TRPM3: variants seen among roughly 807,000 people sequenced by gnomAD.
The protein encoded by TRPM3 is transient receptor potential cation channel subfamily M member 3.
Under a neutral mutation model 181.2 loss-of-function variants are expected in TRPM3, and 77 were observed. The observed-to-expected ratio is 0.42, with a 90% CI of 0.35 to 0.51. The LOEUF (loss-of-function observed/expected upper bound fraction) is 0.51, where lower values mean the gene tolerates loss of function less well. Among genes scored for constraint, TRPM3 ranks in the 20% least tolerant of loss-of-function variants. The probability of loss-of-function intolerance (pLI) is 0.01; values close to 1 mark genes in which losing one functional copy is unlikely to be tolerated. For missense variants in TRPM3, 1,759 were observed against 2,196.7 expected, an observed-to-expected ratio of 0.80 and a Z score of 3.98; for synonymous variants, 745 against 796.4, an observed-to-expected ratio of 0.94 and a Z score of 1.09.
intron 1 of TRPM3, among the ~76,000 whole-genome samples, chr9:70,969,754 TTTTATATA>T (rs937659091): frequency 4.9e-5 from 3 of 60,994 alleles, no homozygotes; most frequent in African/African-American, 1.9e-4. Context: ...GACTGAATGA[TTTTATATA>T]TATATATATA....
At chr9:70,763,172 AC>A (rs761096683) in intron 7 of TRPM3, among the ~76,000 whole-genome samples, 67 of 151,990 alleles carry the variant, frequency 4.4e-4, no homozygotes, top group Non-Finnish European at 8.4e-4. Context: ...GGACTGGGTC[AC>A]CCCTTCCCCC....
rs1462972841 is a variant in TRPM3, at chr9:70,591,134, G to A, written c.3120C>T (p.Ala1040=). 5 of 1,614,156 alleles carry A rather than the reference G, an allele frequency of 3.1e-6. No individual in the cohort carries two copies. The highest frequency in any genetic ancestry group is 4.2e-6 in the Non-Finnish European group (5 of 1,180,024). The change falls in exon 22 of 26, where the codon GCC becomes GCT. Residue 1040 remains alanine, a synonymous_variant. Transcript: ENST00000677713. ...ATGGCTCCTCATTGGGAAAAAGGAT[G>A]GCTTGCCTGGCGACCCCAAAGCTCA... ...VLMSFGVARQ[A]ILFPNEEPSW...
Position 70,635,281 on chromosome 9 carries a change from A to G in TRPM3, c.1582-20T>C. 6.2e-7 allele frequency: 1 copy of G among 1,612,916 alleles called. No homozygotes were observed. Among genetic ancestry groups the G allele is most frequent in the Non-Finnish European group, 8.5e-7 (1 of 1,179,140 alleles). On this transcript the variant is annotated intron_variant, in intron 11 of 25. Transcript: ENST00000677713. ...ATGTCTCTGAAAACAATAAAGAAGA[A>G]TCAAACAGTTTTGCTAGTCAGGGGC...
At chr9:71,434,435 CTT>C in intron 1 of TRPM3, among the ~76,000 whole-genome samples, 1 of 152,286 alleles carries the variant, frequency 6.6e-6, no homozygotes, top group East Asian at 1.9e-4. Context: ...TGATCTTGGA[CTT>C]TGCAGCCTTC....
chr9:71,350,987 T>C (rs1015887502), intron 1 of TRPM3, among the ~76,000 whole-genome samples: 1 of 152,154 alleles, frequency 6.6e-6, no homozygotes. Flanking sequence ...TTCTGGAAAT[T>C]AGGAATGACT....
At chr9:71,180,617 C>G (rs1434989985) in intron 1 of TRPM3, among the ~76,000 whole-genome samples, 2 of 152,086 alleles carry the variant, frequency 1.3e-5, no homozygotes, top group African/African-American at 2.4e-5. Flanking sequence ...ATACACAGTT[C>G]CCACTGAAGT....
At chr9:70,575,019 G>A (rs1272774569) in intron 22 of TRPM3, among the ~76,000 whole-genome samples, 2 of 150,590 alleles carry the variant, frequency 1.3e-5, no homozygotes, top group Non-Finnish European at 2.9e-5. Context: ...ACAGCTCACT[G>A]CAGCCTCAAA....
rs2063343653 is a variant in TRPM3 at position 70,673,333 on chromosome 9, A to G, written c.1345+8173T>C. 7.2e-5 allele frequency among the ~76,000 whole-genome samples: 11 copies of G among 152,174 alleles called. No homozygotes were observed. In the South Asian group the frequency reaches 2.3e-3, roughly 32 times the overall value. Reference sequence around the variant, plus strand: ...TGATTTGAATAAAGGGGTAAAATGGACCACCAAGAAACAAGTGCATTTGAG... The same window carrying G: ...TGATTTGAATAAAGGGGTAAAATGGGCCACCAAGAAACAAGTGCATTTGAG... On this transcript the variant is annotated intron_variant, in intron 9 of 25. Transcript: ENST00000677713.
chr9:71,346,827 A>T (rs2091324019), intron 1 of TRPM3, among the ~76,000 whole-genome samples: 1 of 151,938 alleles, frequency 6.6e-6, no homozygotes, highest in Non-Finnish European at 1.5e-5. Context: ...TTTTGGAAAA[A>T]CCTCATTGAT....
At chr9:71,439,513 T>A (rs1001254417) in intron 1 of TRPM3, among the ~76,000 whole-genome samples, 4 of 152,204 alleles carry the variant, frequency 2.6e-5, no homozygotes, top group African/African-American at 9.7e-5. Context: ...GCGAATGACC[T>A]GAACCAGGCT....
chr9:70,946,587 G>A (rs1344601880), intron 1 of TRPM3, among the ~76,000 whole-genome samples: 1 of 152,008 alleles, frequency 6.6e-6, no homozygotes, highest in Non-Finnish European at 1.5e-5. Context: ...TGGGCAACAG[G>A]ACTTTTTAAA....
At chr9:71,203,091 G>T (rs1448456884) in intron 1 of TRPM3, among the ~76,000 whole-genome samples, 2 of 152,176 alleles carry the variant, frequency 1.3e-5, no homozygotes, top group Non-Finnish European at 2.9e-5. Context: ...AGAAGTGTTT[G>T]GTTTGGCCAG....
intron 1 of TRPM3, among the ~76,000 whole-genome samples, chr9:71,314,863 TA>T (rs11414067): frequency 0.027 from 3,606 of 134,594 alleles, 68 homozygotes; most frequent in African/African-American, 0.069. Context: ...AAGAGGAAAT[TA>T]AAAAAAAAAA....
chr9:71,219,753 A>G (rs2080116124), intron 1 of TRPM3, among the ~76,000 whole-genome samples: 1 of 152,202 alleles, frequency 6.6e-6, no homozygotes. Flanking sequence ...AACCTGGGCA[A>G]ATCAGATTGC....
At chr9:70,791,290 G>A (rs749613594) in intron 6 of TRPM3, among the ~76,000 whole-genome samples, 7 of 152,102 alleles carry the variant, frequency 4.6e-5, no homozygotes, top group Non-Finnish European at 1.0e-4. Flanking sequence ...AAAGCATTTG[G>A]AAATAGGAAG....
chr9:70,964,992 T>C (rs977973244), intron 1 of TRPM3, among the ~76,000 whole-genome samples: 1 of 152,104 alleles, frequency 6.6e-6, no homozygotes, highest in African/African-American at 2.4e-5. Flanking sequence ...AGAATCTCAT[T>C]GTTATCTACA....
In TRPM3 at chr9:71,022,034, A is replaced by G. The variant is rs539803224; in HGVS notation, c.177+99144T>C. Among the ~76,000 whole-genome samples the G allele has an allele frequency of 1.8e-4, 27 of 152,300 alleles. 1 individual carries two copies. The South Asian group carries it at 4.3e-3, about 25-fold the overall frequency. The stretch of plus-strand genomic sequence containing the variant: ...ACTGGGGCCAAGGCTGTTGCTTTTT[A>G]TTATAAATTAAAAATCTATAGGATA... On this transcript the variant is annotated intron_variant, in intron 1 of 25. Coordinates refer to ENST00000677713, the MANE Select transcript of TRPM3 (RefSeq NM_001366145.2).
intron 25 of TRPM3, among the ~76,000 whole-genome samples, chr9:70,537,782 G>C (rs923320903): frequency 2.6e-5 from 4 of 152,132 alleles, no homozygotes; most frequent in African/African-American, 9.7e-5. Flanking sequence ...GCTTGGGGCA[G>C]GGTGCAATGA....
At chr9:70,800,288 G>A (rs2088560835) in intron 6 of TRPM3, among the ~76,000 whole-genome samples, 1 of 152,220 alleles carries the variant, frequency 6.6e-6, no homozygotes, top group Non-Finnish European at 1.5e-5. Flanking sequence ...CACTGGGCCA[G>A]TTGAATGTAG....
Sources: gnomAD v4.1 joint callset for allele counts (sites outside exome capture counted in the v4.1 genomes callset) on GRCh38, gnomAD v4.1.1 for gene constraint, MANE v1.5 for transcripts, NCBI Gene and HGNC (gene_info 2026-07-23, HGNC 2026-07-21) for gene names.